Variants in FOXP1 observed in about 807,000 individuals in gnomAD.
FOXP1 encodes the protein forkhead box protein P1.
In FOXP1, 15 loss-of-function variants were observed where a neutral mutation model predicts 98.2. That is an observed-to-expected ratio of 0.15 (90% CI 0.10 to 0.24). FOXP1 has a LOEUF of 0.24. Ranked by LOEUF, FOXP1 falls within the 10% of genes least tolerant of loss-of-function variation. The probability of loss-of-function intolerance (pLI) is 1.00; values close to 1 mark genes in which losing one functional copy is unlikely to be tolerated. For missense variants in FOXP1, 633 were observed against 848.5 expected, an observed-to-expected ratio of 0.75 and a Z score of 3.15; for synonymous variants, 371 against 314.5, an observed-to-expected ratio of 1.18 and a Z score of -1.90.
In FOXP1 at chr3:71,370,562, A is replaced by T. The variant is rs911181104; in HGVS notation, c.-167-11318T>A. ...AAGGGCACTAGAACAGAGTCACAAGACGCAGGTTCCGATCGGCACCGGGGC... is the reference window on the plus strand; with the variant it reads ...AAGGGCACTAGAACAGAGTCACAAGTCGCAGGTTCCGATCGGCACCGGGGC... On this transcript the variant is annotated intron_variant, in intron 3 of 20. Coordinates refer to ENST00000649528, the MANE Select transcript of FOXP1 (RefSeq NM_001349338.3). 2.9e-4 allele frequency among the ~76,000 whole-genome samples: 44 copies of T among 152,136 alleles called. 2 individuals are homozygous for T. The highest frequency in any genetic ancestry group is 2.9e-5 in the Non-Finnish European group (2 of 68,030).
chr3:70,991,932 T>C (rs1016345548), intron 13 of FOXP1, among the ~76,000 whole-genome samples: 5 of 152,154 alleles, frequency 3.3e-5, no homozygotes, highest in Admixed American at 6.5e-5. Flanking sequence ...TTAGTCTCCC[T>C]CCCTGCTCTC....
chr3:71,058,271 C>G (rs1247140910), intron 7 of FOXP1, among the ~76,000 whole-genome samples: 1 of 152,162 alleles, frequency 6.6e-6, no homozygotes, highest in Non-Finnish European at 1.5e-5. Context: ...AGTACACATA[C>G]ACATAAATTT....
intron 11 of FOXP1, among the ~76,000 whole-genome samples, chr3:71,027,155 C>G (rs149954365): frequency 5.3e-4 from 80 of 152,132 alleles, no homozygotes; most frequent in African/African-American, 1.9e-3. Flanking sequence ...GGCAGGCATT[C>G]TCATTATGTC....
intron 5 of FOXP1, chr3:71,289,710 A>C (rs1162240379): frequency 6.6e-6 from 1 of 150,808 alleles, no homozygotes; most frequent in Non-Finnish European, 1.5e-5. Flanking sequence ...ATTGTGATGC[A>C]ACTGTGGCTC....
At chr3:71,531,386 A>C (rs145560247) in intron 2 of FOXP1, among the ~76,000 whole-genome samples, 36 of 152,340 alleles carry the variant, frequency 2.4e-4, no homozygotes, top group Middle Eastern at 3.4e-3. Context: ...TTACAGCTGT[A>C]AACTACTGCT....
intron 6 of FOXP1, among the ~76,000 whole-genome samples, chr3:71,113,822 C>A (rs951175975): frequency 6.6e-6 from 1 of 150,970 alleles, no homozygotes; most frequent in African/African-American, 2.4e-5. Context: ...ACATTCACTG[C>A]CAAAGAATTA....
chr3:71,304,646 C>T (rs895304122), intron 4 of FOXP1: 4 of 152,120 alleles, frequency 2.6e-5, no homozygotes, highest in Non-Finnish European at 5.9e-5. Flanking sequence ...TATTTTTCCC[C>T]TTAAAAACCA....
chr3:71,382,212 C>T (rs1191311178), intron 3 of FOXP1, among the ~76,000 whole-genome samples: 1 of 151,864 alleles, frequency 6.6e-6, no homozygotes, highest in East Asian at 1.9e-4. Flanking sequence ...GAGGTAGAGG[C>T]AGCACTGAGC....
At chr3:71,006,307 C>A (rs1415957918) in intron 12 of FOXP1, among the ~76,000 whole-genome samples, 1 of 151,942 alleles carries the variant, frequency 6.6e-6, no homozygotes, top group Non-Finnish European at 1.5e-5. Context: ...AGAGTCAGAG[C>A]TTTTTATGAG....
intron 6 of FOXP1, among the ~76,000 whole-genome samples, chr3:71,121,511 C>T (rs2107820909): frequency 6.7e-6 from 1 of 150,338 alleles, no homozygotes; most frequent in African/African-American, 2.4e-5. Context: ...CTCCTACTCC[C>T]ATTAACATAG....
intron 7 of FOXP1, among the ~76,000 whole-genome samples, chr3:71,093,576 C>T (rs1465196847): frequency 6.7e-6 from 1 of 149,626 alleles, no homozygotes; most frequent in African/African-American, 2.5e-5. Context: ...TTATAATTCT[C>T]TGTTCAGTTT....
At chr3:70,982,500 C>T (rs926388312) in intron 14 of FOXP1, among the ~76,000 whole-genome samples, 1 of 152,126 alleles carries the variant, frequency 6.6e-6, no homozygotes, top group Non-Finnish European at 1.5e-5. Context: ...TTCTACATGG[C>T]AAGTTTCCAT....
intron 2 of FOXP1, among the ~76,000 whole-genome samples, chr3:71,503,601 G>GAA (rs368279502): frequency 0.36 from 26,905 of 75,406 alleles, 5,964 homozygotes; most frequent in Non-Finnish European, 0.45. Flanking sequence ...ACTCTGTCTC[G>GAA]AAAAAAAAAA....
At chr3:71,025,104 C>A (rs1450622478) in intron 11 of FOXP1, among the ~76,000 whole-genome samples, 1 of 151,860 alleles carries the variant, frequency 6.6e-6, no homozygotes, top group Non-Finnish European at 1.5e-5. Flanking sequence ...TTAAACGAGA[C>A]GATTTATGAA....
At chr3:71,387,943 AAC>A (rs1577250293) in intron 3 of FOXP1, among the ~76,000 whole-genome samples, 1 of 152,380 alleles carries the variant, frequency 6.6e-6, no homozygotes, top group East Asian at 1.9e-4. Context: ...CCAATGCCAG[AAC>A]ATATAATAAA....
intron 11 of FOXP1, among the ~76,000 whole-genome samples, chr3:71,033,900 G>A (rs1003997282): frequency 7.2e-5 from 11 of 152,140 alleles, no homozygotes; most frequent in African/African-American, 1.7e-4. Flanking sequence ...TCTGACCTCA[G>A]CAGGAACAGC....
At chr3:71,406,644 A>G (rs187693390) in intron 3 of FOXP1, among the ~76,000 whole-genome samples, 22 of 151,802 alleles carry the variant, frequency 1.4e-4, no homozygotes, top group African/African-American at 4.8e-4. Flanking sequence ...GGGGCAGGTG[A>G]TCAACAACCT....
Position 70,988,067 on chromosome 3 carries a change from T to C in FOXP1, c.1073A>G (p.Asp358Gly). The stretch of plus-strand genomic sequence containing the variant: ...CATCATGGCTTGCAGGCGTTCTTTG[T>C]CTTTTGCAAGCTGGCAAGAAGAAAA... ...VQQLELQLAKDKERLQAMMTH... is the reference protein window; with the variant it reads ...VQQLELQLAKGKERLQAMMTH... Residue 358 changes from aspartate to glycine, a missense_variant, in exon 14 of 21, where the codon GAC becomes GGC. By Grantham distance (94) the Asp-to-Gly change is moderately conservative. This residue lies in a region of FOXP1 where 23 missense variants were observed against 92.9 expected (regional missense o/e 0.25). Transcript: ENST00000649528. The C allele has an allele frequency of 1.9e-6, 3 of 1,614,116 alleles. No individual in the cohort carries two copies. Among genetic ancestry groups the C allele is most frequent in the Non-Finnish European group, 2.5e-6 (3 of 1,179,954 alleles).
chr3:71,508,589 G>C (rs2041990809), intron 2 of FOXP1, among the ~76,000 whole-genome samples: 1 of 152,190 alleles, frequency 6.6e-6, no homozygotes, highest in Non-Finnish European at 1.5e-5. Flanking sequence ...TCTGTAATAT[G>C]AGTGATACTC....
Sources: allele counts gnomAD v4.1 joint callset (sites outside exome capture counted in the v4.1 genomes callset), GRCh38; gene constraint gnomAD v4.1.1; regional missense constraint gnomAD v4.1.1; transcripts MANE v1.5; gene names NCBI Gene and HGNC (gene_info 2026-07-23, HGNC 2026-07-21).